GALNT13: variants seen among roughly 807,000 people sequenced by gnomAD.
GALNT13 encodes the protein UDP-GalNAc:polypeptide N-acetylgalactosaminyltransferase 13.
GALNT13 carries 28 observed loss-of-function variants against 64.2 expected under a neutral mutation model. That is an observed-to-expected ratio of 0.44 (90% CI 0.32 to 0.60). The LOEUF is 0.60. Among genes scored for constraint, GALNT13 ranks in the 20% least tolerant of loss-of-function variants. The probability of loss-of-function intolerance (pLI) is 0.05; values close to 1 mark genes in which losing one functional copy is unlikely to be tolerated. For missense variants in GALNT13, 577 were observed against 669.8 expected, an observed-to-expected ratio of 0.86 and a Z score of 1.53; for synonymous variants, 214 against 224.6, an observed-to-expected ratio of 0.95 and a Z score of 0.42.
chr2:153,782,370 C>T, the GALNT13 span, among the ~76,000 whole-genome samples: 1 of 152,106 alleles, frequency 6.6e-6, no homozygotes, highest in Admixed American at 6.6e-5. Context: ...CCTATTCCTC[C>T]TAGGGTATAA....
At chr2:154,047,348 T>A (rs567522186) in intron 3 of GALNT13, among the ~76,000 whole-genome samples, 1 of 152,186 alleles carries the variant, frequency 6.6e-6, no homozygotes, top group Non-Finnish European at 1.5e-5. Context: ...TTTCTGTAGA[T>A]CTTAAGTATG....
At chr2:154,088,071 A>G (rs1435500247) in intron 3 of GALNT13, among the ~76,000 whole-genome samples, 2 of 152,136 alleles carry the variant, frequency 1.3e-5, no homozygotes, top group Non-Finnish European at 2.9e-5. Context: ...ACAGACCGCT[A>G]CAATACAGTG....
chr2:153,711,321 G>C, the GALNT13 span, among the ~76,000 whole-genome samples: 1 of 152,122 alleles, frequency 6.6e-6, no homozygotes, highest in Non-Finnish European at 1.5e-5. Context: ...GTTAGAACTT[G>C]ATGCCATCAT....
chr2:153,998,749 C>T (rs535996705), intron 3 of GALNT13, among the ~76,000 whole-genome samples: 1 of 152,192 alleles, frequency 6.6e-6, no homozygotes, highest in African/African-American at 2.4e-5. Context: ...CCTAGGGTTT[C>T]TTCTAGGGTT....
the GALNT13 span, among the ~76,000 whole-genome samples, chr2:153,408,174 G>A: frequency 1.3e-5 from 2 of 152,176 alleles, no homozygotes; most frequent in Non-Finnish European, 2.9e-5. Context: ...AGAAGCAGAG[G>A]AGTGGACCAT....
At chr2:153,677,096 C>A in the GALNT13 span, among the ~76,000 whole-genome samples, 1 of 151,900 alleles carries the variant, frequency 6.6e-6, no homozygotes, top group Admixed American at 6.6e-5. Flanking sequence ...TATCTCTCTT[C>A]AAAGACAATA....
At chr2:153,204,260 G>A in the GALNT13 span, among the ~76,000 whole-genome samples, 1 of 152,128 alleles carries the variant, frequency 6.6e-6, no homozygotes, top group East Asian at 1.9e-4. Flanking sequence ...TATATTGCTT[G>A]ATGCCTCCTT....
At chr2:153,283,063 G>A in the GALNT13 span, among the ~76,000 whole-genome samples, 1 of 152,154 alleles carries the variant, frequency 6.6e-6, no homozygotes, top group African/African-American at 2.4e-5. Flanking sequence ...TGTTTATTAA[G>A]ACCTCTCTGT....
chr2:154,409,583 G>A (rs1318288410), intron 11 of GALNT13, among the ~76,000 whole-genome samples: 2 of 151,966 alleles, frequency 1.3e-5, no homozygotes, highest in South Asian at 2.1e-4. Flanking sequence ...AAGAGTTCTT[G>A]TGCTCTTCTT....
At chr2:153,544,447 C>T in the GALNT13 span, among the ~76,000 whole-genome samples, 1 of 152,198 alleles carries the variant, frequency 6.6e-6, no homozygotes, top group Non-Finnish European at 1.5e-5. Context: ...GTCTTTGTTC[C>T]TTTCACTTGT....
At chr2:153,758,906 A>G in the GALNT13 span, among the ~76,000 whole-genome samples, 1 of 152,142 alleles carries the variant, frequency 6.6e-6, no homozygotes, top group Non-Finnish European at 1.5e-5. Flanking sequence ...GTGACATTTT[A>G]ACAATATTAA....
the GALNT13 span, among the ~76,000 whole-genome samples, chr2:153,300,161 A>T: frequency 6.6e-6 from 1 of 152,174 alleles, no homozygotes; most frequent in South Asian, 2.1e-4. Flanking sequence ...AGGTGAAGAG[A>T]AGAAACAATA....
At chr2:153,139,814 G>A in the GALNT13 span, among the ~76,000 whole-genome samples, 26 of 152,098 alleles carry the variant, frequency 1.7e-4, no homozygotes, top group South Asian at 1.0e-3. Flanking sequence ...TGTTTTATGC[G>A]TGAAGGGAGT....
At chr2:153,685,182 T>A in the GALNT13 span, among the ~76,000 whole-genome samples, 1 of 151,800 alleles carries the variant, frequency 6.6e-6, no homozygotes, top group Non-Finnish European at 1.5e-5. Flanking sequence ...CAGTGGATAG[T>A]TGGGTCAAAT....
chr2:153,883,113 C>A (rs1686896629), intron 1 of GALNT13, among the ~76,000 whole-genome samples: 1 of 146,012 alleles, frequency 6.8e-6, no homozygotes, highest in African/African-American at 2.5e-5. Flanking sequence ...TGAAAAGATC[C>A]AGGAAAATAT....
At chr2:153,199,164 G>A in the GALNT13 span, among the ~76,000 whole-genome samples, 1 of 152,200 alleles carries the variant, frequency 6.6e-6, no homozygotes, top group African/African-American at 2.4e-5. Context: ...AGGGCAGCCT[G>A]GCAAGTAGGC....
the GALNT13 span, among the ~76,000 whole-genome samples, chr2:153,570,132 G>A: frequency 2.0e-5 from 3 of 152,140 alleles, no homozygotes; most frequent in East Asian, 5.8e-4. Context: ...TTGGATAAAA[G>A]GCATTTTAAC....
At chr2:154,115,096 C>T (rs933029423) in intron 3 of GALNT13, among the ~76,000 whole-genome samples, 2 of 152,148 alleles carry the variant, frequency 1.3e-5, no homozygotes, top group South Asian at 2.1e-4. Context: ...GTCTTCTAGA[C>T]ACTCCCAGCC....
At chr2:154,208,024 AC>A (rs1687557753) in intron 4 of GALNT13, among the ~76,000 whole-genome samples, 1 of 152,144 alleles carries the variant, frequency 6.6e-6, no homozygotes, top group South Asian at 2.1e-4. Context: ...AATAATAAAT[AC>A]CTAGGGGATT....
Sources: allele counts gnomAD v4.1 joint callset (sites outside exome capture counted in the v4.1 genomes callset), GRCh38; gene constraint gnomAD v4.1.1; transcripts MANE v1.5; gene names NCBI Gene and HGNC (gene_info 2026-07-23, HGNC 2026-07-21).